Variants in NCKAP5 observed in about 807,000 individuals in gnomAD.
NCKAP5 encodes the protein nck-associated protein 5.
NCKAP5 carries 92 observed loss-of-function variants against 167.0 expected under a neutral mutation model. The observed-to-expected ratio is 0.55, with a 90% CI of 0.47 to 0.66. The LOEUF (loss-of-function observed/expected upper bound fraction) is 0.66. NCKAP5 is among the 30% of genes least tolerant of loss of function. NCKAP5 has a pLI of 0.00. For synonymous variants in NCKAP5, 891 were observed against 877.4 expected, an observed-to-expected ratio of 1.02 and a Z score of -0.27; for missense variants, 2,378 against 2,315.0, an observed-to-expected ratio of 1.03 and a Z score of -0.56.
chr2:133,415,889 C>A (rs143705368), intron 3 of NCKAP5, among the ~76,000 whole-genome samples: 3 of 152,240 alleles, frequency 2.0e-5, no homozygotes, highest in South Asian at 4.1e-4. Context: ...AGATCAAATG[C>A]GGTTTTGATT....
intron 8 of NCKAP5, among the ~76,000 whole-genome samples, chr2:132,921,101 A>C (rs1041603822): frequency 6.6e-6 from 1 of 151,786 alleles, no homozygotes; most frequent in African/African-American, 2.4e-5. Flanking sequence ...CTCATCCTTA[A>C]ACCCTTCCTT....
At chr2:132,728,560 G>A (rs1335227849) in intron 18 of NCKAP5, among the ~76,000 whole-genome samples, 1 of 152,172 alleles carries the variant, frequency 6.6e-6, no homozygotes, top group Non-Finnish European at 1.5e-5. Flanking sequence ...CTAATCAGGG[G>A]AGTGCATCCA....
chr2:133,540,051 G>A (rs929617934), intron 2 of NCKAP5, among the ~76,000 whole-genome samples: 2 of 152,092 alleles, frequency 1.3e-5, no homozygotes, highest in African/African-American at 2.4e-5. Flanking sequence ...GTGGTAGCAC[G>A]TCCCTGACAG....
chr2:133,620,224 A>G, the NCKAP5 span, among the ~76,000 whole-genome samples: 1 of 152,128 alleles, frequency 6.6e-6, no homozygotes, highest in African/African-American at 2.4e-5. Context: ...TGAATAGAAT[A>G]GTATCTCATG....
chr2:132,945,299 G>A (rs901641197), intron 8 of NCKAP5, among the ~76,000 whole-genome samples: 12 of 152,068 alleles, frequency 7.9e-5, no homozygotes, highest in Admixed American at 2.0e-4. Flanking sequence ...GGCAGGGGTG[G>A]GGTGGGGAAA....
chr2:133,535,892 A>C (rs1897427), intron 2 of NCKAP5, among the ~76,000 whole-genome samples: 3 of 151,972 alleles, frequency 2.0e-5, no homozygotes, highest in Non-Finnish European at 4.4e-5. Flanking sequence ...TGATAATTAG[A>C]GATGTTGAGC....
intron 3 of NCKAP5, among the ~76,000 whole-genome samples, chr2:133,497,376 G>C (rs1353463656): frequency 6.6e-6 from 1 of 152,144 alleles, no homozygotes; most frequent in African/African-American, 2.4e-5. Context: ...TTTTAACATT[G>C]GTATTAAATG....
At chr2:133,234,357 A>G (rs538098446) in intron 4 of NCKAP5, among the ~76,000 whole-genome samples, 1 of 152,286 alleles carries the variant, frequency 6.6e-6, no homozygotes, top group Admixed American at 6.5e-5. Context: ...GGGCTCTTAC[A>G]TTTCTTTCCC....
chr2:133,057,513 T>C (rs533505782), intron 6 of NCKAP5, among the ~76,000 whole-genome samples: 95 of 152,272 alleles, frequency 6.2e-4, no homozygotes, highest in African/African-American at 2.1e-3. Flanking sequence ...ATGGAGAAAG[T>C]CTGAGTGGTC....
chr2:132,736,856 G>A (rs1056417021), intron 16 of NCKAP5, among the ~76,000 whole-genome samples: 12 of 152,320 alleles, frequency 7.9e-5, no homozygotes, highest in South Asian at 4.1e-4. Flanking sequence ...ATTTCTGGCT[G>A]TGAGTGTAGT....
intron 3 of NCKAP5, among the ~76,000 whole-genome samples, chr2:133,414,117 G>A (rs1403492965): frequency 1.3e-5 from 2 of 152,138 alleles, no homozygotes; most frequent in Non-Finnish European, 2.9e-5. Context: ...TAAATGTCAC[G>A]CCACAGCAAT....
At chr2:132,887,319 T>C (rs970179342) in intron 8 of NCKAP5, among the ~76,000 whole-genome samples, 4 of 140,788 alleles carry the variant, frequency 2.8e-5, no homozygotes, top group Admixed American at 1.4e-4. Context: ...AACTTTTATT[T>C]TATCTATCTA....
chr2:133,599,277 A>AC, the NCKAP5 span, among the ~76,000 whole-genome samples: 1 of 152,352 alleles, frequency 6.6e-6, no homozygotes, highest in East Asian at 1.9e-4. Flanking sequence ...GACATCCTAG[A>AC]AGGCACTTTG....
intron 3 of NCKAP5, among the ~76,000 whole-genome samples, chr2:133,357,811 A>G (rs1377374469): frequency 6.6e-6 from 1 of 152,194 alleles, no homozygotes; most frequent in Non-Finnish European, 1.5e-5. Flanking sequence ...ATTGTCTTAG[A>G]GCAAATTTTT....
intron 3 of NCKAP5, among the ~76,000 whole-genome samples, chr2:133,465,669 T>C (rs1274599157): frequency 6.6e-6 from 1 of 152,002 alleles, no homozygotes; most frequent in Non-Finnish European, 1.5e-5. Context: ...CTCCAGCACC[T>C]GTTGTTTCCT....
intron 11 of NCKAP5, among the ~76,000 whole-genome samples, chr2:132,803,904 C>A (rs936781494): frequency 2.6e-5 from 4 of 152,138 alleles, no homozygotes; most frequent in African/African-American, 9.7e-5. Context: ...TAAGGCAGAA[C>A]ATGCAAACAA....
At chr2:132,756,889 C>T (rs981696080) in intron 16 of NCKAP5, among the ~76,000 whole-genome samples, 5 of 152,154 alleles carry the variant, frequency 3.3e-5, no homozygotes, top group African/African-American at 1.2e-4. Flanking sequence ...AATATATTTC[C>T]CCTCTGTTTG....
rs72847276 is a variant in NCKAP5, at chr2:132,868,249, G to A, written c.687+687C>T. 6.4e-3 allele frequency among the ~76,000 whole-genome samples: 968 copies of A among 152,130 alleles called. 5 individuals are homozygous for A. Among genetic ancestry groups the A allele is most frequent in the Non-Finnish European group, 0.01 (690 of 67,988 alleles). ...TTAGCTTCTCAGAAACTTCATGGCC[G>A]GAGATGGTAAACATTCCATAAAATT... On this transcript the variant is annotated intron_variant, in intron 10 of 19. Transcript: ENST00000409261.
chr2:133,354,673 A>G (rs1398666602), intron 3 of NCKAP5, among the ~76,000 whole-genome samples: 1 of 152,190 alleles, frequency 6.6e-6, no homozygotes, highest in Non-Finnish European at 1.5e-5. Context: ...TACCAAAATT[A>G]TGAGGATAGG....
Sources: gnomAD v4.1 joint callset for allele counts (sites outside exome capture counted in the v4.1 genomes callset) on GRCh38, gnomAD v4.1.1 for gene constraint, MANE v1.5 for transcripts, NCBI Gene and HGNC (gene_info 2026-07-23, HGNC 2026-07-21) for gene names.